The following CXCL16 variants were observed in gnomAD, a reference collection of about 807,000 sequenced individuals.
The protein encoded by CXCL16 is C-X-C motif chemokine ligand 16, also known as C-X-C motif chemokine 16.
Under a neutral mutation model 23.8 loss-of-function variants are expected in CXCL16, and 18 were observed. The observed-to-expected ratio is 0.76, with a 90% CI of 0.52 to 1.12. The LOEUF (loss-of-function observed/expected upper bound fraction) is 1.12, where lower values mean the gene tolerates loss of function less well. CXCL16 is among the 50% of genes most tolerant of loss of function. The pLI, the probability that CXCL16 is intolerant of heterozygous loss-of-function variation, is 0.00. For missense variants in CXCL16, 297 were observed against 315.4 expected (o/e 0.94, Z 0.44); for synonymous variants, 123 against 132.5 (o/e 0.93, Z 0.49).
intron 3 of CXCL16, among the ~76,000 whole-genome samples, chr17:4,735,905 C>A (rs1343294072): frequency 1.3e-5 from 2 of 152,020 alleles, no homozygotes; most frequent in Non-Finnish European, 2.9e-5. Flanking sequence ...GAAACCCAGT[C>A]TCTACTAAAA....
chr17:4,734,713 G>A (rs914747690), intron 4 of CXCL16, 61 bp from the exon 5 acceptor site: 28 of 1,412,188 alleles, frequency 2.0e-5, no homozygotes, highest in Admixed American at 3.4e-5. Context: ...TTTGGGGGAT[G>A]ATAGCTTGAA....
Position 4,739,317 on chromosome 17 carries a change from C to A in CXCL16, c.23G>T (p.Gly8Val), listed in dbSNP as rs775981222. Residue 8 changes from glycine (G) to valine (V), a missense_variant, in exon 1 of 6, where the codon GGG (glycine) becomes GTG (valine). Coordinates refer to ENST00000293778, the MANE Select transcript of CXCL16 (RefSeq NM_001386809.1). The surrounding 1 kb of genome is among the most constrained non-coding windows in gnomAD (Gnocchi z 5.3). ...AAGCAGGAGCAGGAGCACGCGGGAC[C>A]CGGGCCGCAAGTCCCGTCCCATCTC... is the stretch of plus-strand genomic sequence containing the variant. Reference protein sequence around the residue: MGRDLRPGSRVLLLLLLL... With the variant: MGRDLRPVSRVLLLLLLL... The A allele has an allele frequency of 3.1e-6, 5 of 1,612,680 alleles. No homozygotes were observed. The African/African-American group carries it at 6.7e-5, about 22-fold the overall frequency.
In CXCL16 at chr17:4,739,467, G is replaced by A; in HGVS notation, c.-128C>T. 7 of 1,405,776 alleles carry A rather than the reference G, an allele frequency of 5.0e-6. No individual in the cohort carries two copies. Among genetic ancestry groups the A allele is most frequent in the Non-Finnish European group, 6.9e-6 (7 of 1,020,664 alleles). The allele number at this position is 1,405,776 out of a possible 1,614,324, so 87.1% of individuals were successfully genotyped here. A position where few individuals can be genotyped will look rare whatever the true frequency, so the allele number is the denominator to read the frequency against. ...GGGACCGGAGGAGACGGCGGCCGGAGAGGAGGCGCGAGCCAGCTGCACCCC... is the reference window on the plus strand; with the variant it reads ...GGGACCGGAGGAGACGGCGGCCGGAAAGGAGGCGCGAGCCAGCTGCACCCC... On this transcript the variant is annotated 5_prime_UTR_variant, in exon 1 of 6. Coordinates refer to ENST00000293778, the MANE Select transcript of CXCL16 (RefSeq NM_001386809.1). This position sits in a 1 kb window ranked among gnomAD's most constrained non-coding sequence, Gnocchi z 5.3.
chr17:4,739,070 G>T lies in CXCL16; in HGVS notation c.80-150C>A, dbSNP rs9898881. ...TCAACCCACACATCATCACGCCCCCGACAACATCCATAATCCCGCCCGGAG... is the reference window on the plus strand; with the variant it reads ...TCAACCCACACATCATCACGCCCCCTACAACATCCATAATCCCGCCCGGAG... On this transcript the variant is annotated intron_variant, in intron 1 of 5. Transcript: ENST00000293778. This position sits in a 1 kb window ranked among gnomAD's most constrained non-coding sequence, Gnocchi z 5.3. 583 of 1,195,332 alleles carry T rather than the reference G, an allele frequency of 4.9e-4. 3 individuals are homozygous for T. The African/African-American group carries it at 6.5e-3, about 13-fold the overall frequency. 74.0% of individuals were successfully genotyped at this position (1,195,332 alleles called of 1,614,324 possible).
chr17:4,738,592 C>A lies in CXCL16; in HGVS notation c.219-102G>T. The A allele has an allele frequency of 1.9e-6, 2 of 1,068,184 alleles. No homozygotes were observed. The highest frequency in any genetic ancestry group is 2.8e-6 in the Non-Finnish European group (2 of 725,662). The allele number at this position is 1,068,184 out of a possible 1,614,324, so 66.2% of individuals were successfully genotyped here. ...AGTTGCCACCAAGAAAGAGCCCTTTCTCCTGGGACTGGGAAACTCCCCAGT... is the reference window on the plus strand; with the variant it reads ...AGTTGCCACCAAGAAAGAGCCCTTTATCCTGGGACTGGGAAACTCCCCAGT... On this transcript the variant is annotated intron_variant, in intron 2 of 5. Transcript: ENST00000293778. This position sits in a 1 kb window ranked among gnomAD's most constrained non-coding sequence, Gnocchi z 4.0.
At position 4,738,307 on chromosome 17, in the gene CXCL16, A is replaced by T; in HGVS notation, c.301+101T>A. The T allele has an allele frequency of 1.1e-6, 1 of 878,720 alleles. No individual in the cohort carries two copies. The allele number at this position is 878,720 out of a possible 1,614,324, so 54.4% of individuals were successfully genotyped here. A position where few individuals can be genotyped will look rare whatever the true frequency, so the allele number is the denominator to read the frequency against. On this transcript the variant is annotated intron_variant, in intron 3 of 5. Coordinates refer to ENST00000293778, the MANE Select transcript of CXCL16 (RefSeq NM_001386809.1). This position sits in a 1 kb window ranked among gnomAD's most constrained non-coding sequence, Gnocchi z 4.0. Reference sequence around the variant, plus strand: ...GACAGGATCAGAAGAAGGTTCTAGGAATGTGCGGCCCCAGGGGAAAAGGCT... The same window carrying T: ...GACAGGATCAGAAGAAGGTTCTAGGTATGTGCGGCCCCAGGGGAAAAGGCT...
chr17:4,737,574 TTAAA>T (rs1916191387), intron 3 of CXCL16, among the ~76,000 whole-genome samples: 2 of 31,502 alleles, frequency 6.3e-5, no homozygotes, highest in South Asian at 1.5e-3. Flanking sequence ...CAAGACTCCA[TTAAA>T]AAAAAAAAAA....
Position 4,734,607 on chromosome 17 carries a change from C to A in CXCL16, c.764G>T (p.Ter255LeuextTer7). ...CCCTCACAAGCTTCCATTCTTGGCT[C>A]AGGTATTAGAGTCAGGTGCCACAGG... ...YIPVAPDSNT* is the reference protein window; with the variant it reads ...YIPVAPDSNTL Residue 255 changes from the stop codon to leucine (L), a stop_lost, in exon 5 of 6, where the codon TGA (stop) becomes TTA (leucine). Coordinates refer to ENST00000293778, the MANE Select transcript of CXCL16 (RefSeq NM_001386809.1). The A allele has an allele frequency of 6.2e-7, 1 of 1,610,560 alleles. No homozygotes were observed. The highest frequency in any genetic ancestry group is 1.1e-5 in the South Asian group (1 of 91,016).
Position 4,739,655 on chromosome 17 carries a change from A to C in CXCL16, c.-316T>G. ...CAGGAATCTTGGAAGAAACCGAAAGAAAACTCCGGCGGCGGGCGAGGAGGG... is the reference window on the plus strand; with the variant it reads ...CAGGAATCTTGGAAGAAACCGAAAGCAAACTCCGGCGGCGGGCGAGGAGGG... On this transcript the variant is annotated 5_prime_UTR_variant, in exon 1 of 6. Transcript: ENST00000293778. This position sits in a 1 kb window ranked among gnomAD's most constrained non-coding sequence, Gnocchi z 5.3. 1 of 712,820 alleles carries C rather than the reference A, an allele frequency of 1.4e-6. No individual in the cohort carries two copies. The highest frequency in any genetic ancestry group is 2.1e-6 in the Non-Finnish European group (1 of 479,194). The allele number at this position is 712,820 out of a possible 1,614,324, so 44.2% of individuals were successfully genotyped here.
At position 4,739,402 on chromosome 17, in the gene CXCL16, G is replaced by A. The variant is rs540529925; in HGVS notation, c.-63C>T. The A allele has an allele frequency of 4.7e-5, 75 of 1,610,516 alleles. No individual in the cohort carries two copies. Among genetic ancestry groups the A allele is most frequent in the South Asian group, 2.0e-4 (18 of 90,962 alleles). ...TCGCTCTGACTCCCAGACATGCTCC[G>A]GCGCGTGACGTCCAGCTGGTGTCTC... On this transcript the variant is annotated 5_prime_UTR_variant, in exon 1 of 6. Transcript: ENST00000293778. The surrounding 1 kb of genome is among the most constrained non-coding windows in gnomAD (Gnocchi z 5.3).
At chr17:4,737,380 C>T (rs544177582) in intron 3 of CXCL16, among the ~76,000 whole-genome samples, 47 of 146,120 alleles carry the variant, frequency 3.2e-4, no homozygotes, top group Middle Eastern at 3.5e-3. Context: ...GAGTTTGAGA[C>T]CAGCCTGACC....
At chr17:4,734,982 G>T in intron 4 of CXCL16, 110 bp downstream of exon 4, 1 of 1,064,084 alleles carries the variant, frequency 9.4e-7, no homozygotes, top group African/African-American at 1.6e-5. Flanking sequence ...AGACAACCTT[G>T]ATACTTGTGT....
chr17:4,734,970 G>T, intron 4 of CXCL16, 122 bp downstream of exon 4: 1 of 964,456 alleles, frequency 1.0e-6, no homozygotes, highest in Non-Finnish European at 1.5e-6. Flanking sequence ...TCAACCTTGT[G>T]CAGACAACCT....
rs1409193563 is a variant in CXCL16, at chr17:4,735,272, C to A, written c.538G>T (p.Ala180Ser). The A allele has an allele frequency of 1.9e-6, 3 of 1,614,134 alleles. No individual in the cohort carries two copies. The highest frequency in any genetic ancestry group is 2.5e-6 in the Non-Finnish European group (3 of 1,180,012). ...TTIHTAGHSLAAGPEAGENQK... is the reference protein window; with the variant it reads ...TTIHTAGHSLSAGPEAGENQK... ...TTCTCCCCAGCCTCAGGCCCAGCTG[C>A]CAGACTGTGGCCCGCAGTGTGAATG... Residue 180 changes from alanine to serine, a missense_variant, in exon 4 of 6, where the codon GCA becomes TCA. Physicochemically the swap from Ala to Ser is moderately conservative, Grantham distance 99. Transcript: ENST00000293778.
In CXCL16 at chr17:4,738,800, C is replaced by T. The variant is rs749552129; in HGVS notation, c.200G>A (p.Arg67Gln). 1.2e-6 allele frequency: 2 copies of T among 1,614,154 alleles called. No individual in the cohort carries two copies. Among genetic ancestry groups the T allele is most frequent in the Admixed American group, 1.7e-5 (1 of 60,022 alleles). The change falls in exon 2 of 6, where the codon CGG becomes CAG. Residue 67 changes from arginine to glutamine, a missense_variant. Transcript: ENST00000293778. The surrounding 1 kb of genome is among the most constrained non-coding windows in gnomAD (Gnocchi z 4.0). ...RLRKHLRAYH[R>Q]CLYYTRFQLL... is the part of the protein sequence containing the mutation. ...AAATTACCTCGTGTAGTATAGACACCGATGGTAAGCTCTCAGGTGTTTCCG... is the reference window on the plus strand; with the variant it reads ...AAATTACCTCGTGTAGTATAGACACTGATGGTAAGCTCTCAGGTGTTTCCG...
chr17:4,736,005 G>A (rs1916147685), intron 3 of CXCL16, among the ~76,000 whole-genome samples: 1 of 152,104 alleles, frequency 6.6e-6, no homozygotes, highest in South Asian at 2.1e-4. Context: ...AGGAGGTGGA[G>A]GTTGCAGTGA....
In CXCL16 at chr17:4,735,504, A is replaced by G; in HGVS notation, c.306T>C (p.Cys102=). 6.7e-7 allele frequency: 1 copy of G among 1,502,690 alleles called. No homozygotes were observed. The highest frequency in any genetic ancestry group is 1.4e-5 in the South Asian group (1 of 73,004). 93.1% of individuals were successfully genotyped at this position (1,502,690 alleles called of 1,614,324 possible). A position where few individuals can be genotyped will look rare whatever the true frequency, so the allele number is the denominator to read the frequency against. Residue 102 remains cysteine (C), a synonymous_variant, in exon 4 of 6, where the codon TGT becomes TGC. Coordinates refer to ENST00000293778, the MANE Select transcript of CXCL16 (RefSeq NM_001386809.1). ...CCACAATCCCCGAGTAAGCATGTCC[A>G]CATTCTGGAAAGGAAAGAAATGAGG... ...ELMSCLDLKE[C]GHAYSGIVAH... is the part of the protein sequence containing the mutation.
chr17:4,734,708 G>A (rs1916099773), intron 4 of CXCL16, 56 bp from the exon 5 acceptor site: 21 of 1,448,476 alleles, frequency 1.4e-5, no homozygotes, highest in Non-Finnish European at 2.0e-5. Context: ...CAGTGTTTGG[G>A]GGATGATAGC....
Position 4,738,799 on chromosome 17 carries a change from C to A in CXCL16, c.201G>T (p.Arg67=), listed in dbSNP as rs1321466251. The A allele has an allele frequency of 1.2e-6, 2 of 1,614,070 alleles. No individual in the cohort carries two copies. The highest frequency in any genetic ancestry group is 2.7e-5 in the African/African-American group (2 of 74,928). The change falls in exon 2 of 6, where the codon CGG becomes CGT. Residue 67 remains arginine (R), a synonymous_variant. Transcript: ENST00000293778. The surrounding 1 kb of genome is among the most constrained non-coding windows in gnomAD (Gnocchi z 4.0). ...AAAATTACCTCGTGTAGTATAGACA[C>A]CGATGGTAAGCTCTCAGGTGTTTCC... is the stretch of plus-strand genomic sequence containing the variant. ...RLRKHLRAYH[R]CLYYTRFQLL...
Sources: allele counts gnomAD v4.1 joint callset (sites outside exome capture counted in the v4.1 genomes callset), GRCh38; gene constraint gnomAD v4.1.1; non-coding constraint Gnocchi (gnomAD v3.1); transcripts MANE v1.5; gene names NCBI Gene and HGNC (gene_info 2026-07-23, HGNC 2026-07-21).